The following PSMD1 variants were observed in gnomAD, a reference collection of about 807,000 sequenced individuals.
The protein encoded by PSMD1 is proteasome 26S subunit, non-ATPase 1.
Under a neutral mutation model 119.0 loss-of-function variants are expected in PSMD1, and 18 were observed. That is an observed-to-expected ratio of 0.15 (90% CI 0.10 to 0.22). The LOEUF is 0.22. PSMD1 is among the 10% of genes least tolerant of loss of function. PSMD1 has a pLI of 1.00. For synonymous variants in PSMD1, 374 were observed against 396.6 expected, an observed-to-expected ratio of 0.94 and a Z score of 0.68; for missense variants, 702 against 1,158.5, an observed-to-expected ratio of 0.61 and a Z score of 5.72.
chr2:231,158,802 C>T (rs1273314151), intron 19 of PSMD1, among the ~76,000 whole-genome samples: 1 of 152,044 alleles, frequency 6.6e-6, no homozygotes, highest in African/African-American at 2.4e-5. Context: ...GGATCTTTTC[C>T]AGTATGTTAT....
intron 16 of PSMD1, among the ~76,000 whole-genome samples, chr2:231,101,077 A>T (rs1238250637): frequency 6.6e-6 from 1 of 152,164 alleles, no homozygotes; most frequent in Admixed American, 6.5e-5. Flanking sequence ...AGAGTTAGCC[A>T]CCCCGATAAA....
At chr2:231,066,797 T>C (rs1398578056) in intron 4 of PSMD1, 109 bp from the exon 5 acceptor site, 5 of 881,396 alleles carry the variant, frequency 5.7e-6, no homozygotes, top group Non-Finnish European at 8.4e-6. Context: ...AATTTGCTTA[T>C]TGCTTTATAG....
rs1403190737 is a variant in PSMD1 at position 231,119,363 on chromosome 2, A to G, written c.1884-19373A>G. Among the ~76,000 whole-genome samples the G allele has an allele frequency of 2.0e-5, 3 of 152,302 alleles. No homozygotes were observed. The East Asian group carries it at 5.8e-4, about 29-fold the overall frequency. ...ACCAGTTACTATTAGTGCTTATAAGATGCTGGGCCCTGCTTGACAAGGTGA... is the reference window on the plus strand; with the variant it reads ...ACCAGTTACTATTAGTGCTTATAAGGTGCTGGGCCCTGCTTGACAAGGTGA... On this transcript the variant is annotated intron_variant, in intron 16 of 24. Transcript: ENST00000308696.
At chr2:231,162,864 G>A (rs1224668229) in intron 20 of PSMD1, among the ~76,000 whole-genome samples, 2 of 150,462 alleles carry the variant, frequency 1.3e-5, no homozygotes, top group African/African-American at 2.4e-5. Context: ...AAAGGAAGCC[G>A]AGGCGGGTGG....
chr2:231,143,490 A>G (rs1302573298), intron 17 of PSMD1, among the ~76,000 whole-genome samples: 1 of 152,184 alleles, frequency 6.6e-6, no homozygotes, highest in African/African-American at 2.4e-5. Context: ...GGCCTCCCAA[A>G]GTGCTGGGAT....
intron 16 of PSMD1, chr2:231,125,178 A>T (rs1695690268): frequency 6.6e-6 from 1 of 152,238 alleles, no homozygotes; most frequent in Non-Finnish European, 1.5e-5. Flanking sequence ...AGAGAGTAGC[A>T]GCATTCATTG....
Position 231,170,547 on chromosome 2 carries a change from C to T in PSMD1, c.2716-19C>T, listed in dbSNP as rs1239431658. 1 of 1,600,566 alleles carries T rather than the reference C, an allele frequency of 6.2e-7. No individual in the cohort carries two copies. The highest frequency in any genetic ancestry group is 8.5e-7 in the Non-Finnish European group (1 of 1,174,640). On this transcript the variant is annotated intron_variant, in intron 23 of 24. Transcript: ENST00000308696. The surrounding 1 kb of genome is among the most constrained non-coding windows in gnomAD (Gnocchi z 4.1). The stretch of plus-strand genomic sequence containing the variant: ...CTTGAAATATGAGTGTACGCTTCTG[C>T]ACGCCCCTGTGTTTCCAGCTCTCTA...
intron 6 of PSMD1, among the ~76,000 whole-genome samples, chr2:231,071,470 T>G (rs2125161303): frequency 6.6e-6 from 1 of 152,198 alleles, no homozygotes; most frequent in Non-Finnish European, 1.5e-5. Context: ...CATTTTTCCA[T>G]GTTCTAATTC....
At chr2:231,169,756 T>G (rs1265779248) in intron 23 of PSMD1, among the ~76,000 whole-genome samples, 1 of 152,226 alleles carries the variant, frequency 6.6e-6, no homozygotes, top group Non-Finnish European at 1.5e-5. Flanking sequence ...AGCTTTCCAT[T>G]TCCTTTGACA....
intron 16 of PSMD1, among the ~76,000 whole-genome samples, chr2:231,117,901 A>C (rs867116001): frequency 6.6e-6 from 1 of 152,186 alleles, no homozygotes; most frequent in Non-Finnish European, 1.5e-5. Context: ...CTGAACAGTT[A>C]CATGGGGTTA....
At chr2:231,161,272 T>C in intron 19 of PSMD1, 68 bp from the exon 20 acceptor site, 1 of 1,333,642 alleles carries the variant, frequency 7.5e-7, no homozygotes, top group South Asian at 1.5e-5. Flanking sequence ...AAAGATATCG[T>C]TATTATTGTC....
At chr2:231,083,186 A>G (rs1694355609) in intron 13 of PSMD1, among the ~76,000 whole-genome samples, 192 bp downstream of exon 13, 1 of 152,206 alleles carries the variant, frequency 6.6e-6, no homozygotes, top group South Asian at 2.1e-4. Flanking sequence ...GCTTTCTAAA[A>G]TGGTATATCC....
At chr2:231,134,943 T>G (rs1325483085) in intron 16 of PSMD1, among the ~76,000 whole-genome samples, 1 of 152,200 alleles carries the variant, frequency 6.6e-6, no homozygotes, top group East Asian at 1.9e-4. Flanking sequence ...GTAAATTTAG[T>G]TTAACTCTCT....
At chr2:231,107,559 G>A (rs1695006721) in intron 16 of PSMD1, among the ~76,000 whole-genome samples, 1 of 152,130 alleles carries the variant, frequency 6.6e-6, no homozygotes, top group Admixed American at 6.5e-5. Flanking sequence ...GAGAATACTG[G>A]GGCTTGAAGA....
chr2:231,086,174 G>A (rs975997319), intron 15 of PSMD1, among the ~76,000 whole-genome samples: 1 of 152,068 alleles, frequency 6.6e-6, no homozygotes, highest in East Asian at 1.9e-4. Flanking sequence ...TTCCCATGTA[G>A]CTAGAACTAC....
chr2:231,104,060 T>C (rs1694927097), intron 16 of PSMD1, among the ~76,000 whole-genome samples: 1 of 151,528 alleles, frequency 6.6e-6, no homozygotes. Flanking sequence ...GTGTAAAGCA[T>C]CCTACTCATG....
At chr2:231,115,600 A>G (rs563291803) in intron 16 of PSMD1, among the ~76,000 whole-genome samples, 80 of 152,110 alleles carry the variant, frequency 5.3e-4, no homozygotes, top group Non-Finnish European at 1.1e-3. Context: ...AATTGGGGGT[A>G]GGAAGGGATA....
At chr2:231,152,150 T>A (rs1696390852) in intron 18 of PSMD1, among the ~76,000 whole-genome samples, 2 of 152,084 alleles carry the variant, frequency 1.3e-5, no homozygotes, top group African/African-American at 4.8e-5. Context: ...GGGAATTTAG[T>A]GATGATTTAA....
At chr2:231,064,281 G>A (rs779586006) in intron 4 of PSMD1, among the ~76,000 whole-genome samples, 3 of 152,152 alleles carry the variant, frequency 2.0e-5, no homozygotes, top group Non-Finnish European at 2.9e-5. Flanking sequence ...GCTTCCTAGC[G>A]TCTTAATGAA....
Sources: allele counts gnomAD v4.1 joint callset (sites outside exome capture counted in the v4.1 genomes callset), GRCh38; gene constraint gnomAD v4.1.1; non-coding constraint Gnocchi (gnomAD v3.1); transcripts MANE v1.5; gene names NCBI Gene and HGNC (gene_info 2026-07-23, HGNC 2026-07-21).